The following MYO1E variants were observed in gnomAD, a reference collection of about 807,000 sequenced individuals.
MYO1E encodes the protein myosin IE.
MYO1E carries 68 observed loss-of-function variants against 151.1 expected under a neutral mutation model. That is an observed-to-expected ratio of 0.45 (90% CI 0.37 to 0.55). The LOEUF (loss-of-function observed/expected upper bound fraction) is 0.55. Among genes scored for constraint, MYO1E ranks in the 20% least tolerant of loss-of-function variants. The probability of loss-of-function intolerance (pLI) is 0.00; values close to 1 mark genes in which losing one functional copy is unlikely to be tolerated. For synonymous variants in MYO1E, 601 were observed against 501.7 expected, an observed-to-expected ratio of 1.20 and a Z score of -2.64; for missense variants, 1,363 against 1,389.3, an observed-to-expected ratio of 0.98 and a Z score of 0.30.
intron 15 of MYO1E, among the ~76,000 whole-genome samples, chr15:59,202,973 T>C (rs922325745): frequency 6.6e-6 from 1 of 152,208 alleles, no homozygotes; most frequent in Non-Finnish European, 1.5e-5. Context: ...CTCAAACAAC[T>C]GGACTCAAGA....
intron 14 of MYO1E, chr15:59,207,076 C>G: frequency 1.9e-6 from 3 of 1,614,214 alleles, no homozygotes; most frequent in South Asian, 2.2e-5. Flanking sequence ...GCTCTTCACC[C>G]CCGTGAGCAA....
In MYO1E at chr15:59,272,407, C is replaced by T; in HGVS notation, c.46G>A (p.Val16Ile). 2 of 1,614,166 alleles carry T rather than the reference C, an allele frequency of 1.2e-6. No individual in the cohort carries two copies. The highest frequency in any genetic ancestry group is 1.6e-4 in the Middle Eastern group (1 of 6,062). The stretch of plus-strand genomic sequence containing the variant: ...ATGTCGTCCACACCACTGTGCTTGA[C>T]ATTGTGGCTTTGCCAGTGGTACTGG... ...VYQYHWQSHN[V>I]KHSGVDDMVL... The change falls in exon 2 of 28, where the codon GTC becomes ATC. Residue 16 changes from valine (V) to isoleucine (I), a missense_variant. Val to Ile is a conservative substitution (Grantham distance 29, BLOSUM62 3). Transcript: ENST00000288235.
intron 1 of MYO1E, among the ~76,000 whole-genome samples, chr15:59,282,423 T>C (rs1476000989): frequency 6.6e-6 from 1 of 152,106 alleles, no homozygotes; most frequent in African/African-American, 2.4e-5. Context: ...TTCTCTTGGG[T>C]AACTGCTTTT....
chr15:59,254,899 C>T lies in MYO1E; in HGVS notation c.332+1385G>A, dbSNP rs541445684. On this transcript the variant is annotated intron_variant, in intron 4 of 27. Transcript: ENST00000288235. ...GGACTGCAGTGGCGTGATCTTGGCT[C>T]ACTGCAGCTTCCGCCTCCTGGGTTC... 1.3e-3 allele frequency among the ~76,000 whole-genome samples: 201 copies of T among 152,056 alleles called. 1 individual carries two copies. The highest frequency in any genetic ancestry group is 2.0e-3 in the Non-Finnish European group (133 of 67,976).
chr15:59,169,729 G>T (rs1355657072), intron 22 of MYO1E, among the ~76,000 whole-genome samples: 1 of 152,126 alleles, frequency 6.6e-6, no homozygotes, highest in East Asian at 1.9e-4. Flanking sequence ...ATCCCCAGAG[G>T]CTGTAAAAGA....
At chr15:59,220,580 G>C (rs1003151955) in intron 9 of MYO1E, among the ~76,000 whole-genome samples, 3 of 152,002 alleles carry the variant, frequency 2.0e-5, no homozygotes, top group African/African-American at 7.3e-5. Flanking sequence ...AAGAGCAAGA[G>C]AAAGTCTGCT....
In MYO1E at chr15:59,159,696, G is replaced by T. The variant is rs1566967000; in HGVS notation, c.2786-1317C>A. On this transcript the variant is annotated intron_variant, in intron 24 of 27. Coordinates refer to ENST00000288235, the MANE Select transcript of MYO1E (RefSeq NM_004998.4). This position sits in a 1 kb window ranked among gnomAD's most constrained non-coding sequence, Gnocchi z 4.4. ...CTCCAAAAGTTGCTGTCTGTTTTCT[G>T]CAAGTACTAACGGATACACAGACAT... 6.6e-6 allele frequency among the ~76,000 whole-genome samples: 1 copy of T among 152,188 alleles called. No homozygotes were observed. Among genetic ancestry groups the T allele is most frequent in the African/African-American group, 2.4e-5 (1 of 41,444 alleles).
intron 18 of MYO1E, among the ~76,000 whole-genome samples, chr15:59,183,220 G>A (rs936328327): frequency 6.6e-6 from 1 of 152,088 alleles, no homozygotes. Context: ...TCTCAGCATT[G>A]TTTATGGAAG....
intron 26 of MYO1E, among the ~76,000 whole-genome samples, chr15:59,151,001 G>A (rs1310757822): frequency 1.4e-5 from 2 of 144,952 alleles, no homozygotes; most frequent in African/African-American, 5.1e-5. Context: ...TGGAAGGGAA[G>A]AGGAGAGGGA....
At position 59,227,597 on chromosome 15, in the gene MYO1E, G is replaced by A. The variant is rs770409908; in HGVS notation, c.511-7C>T. ...GGATTTCAAAGTATTTTCCCTGCAAGAAAGTTAGGGATTTCCTTCAATGGT... is the reference window on the plus strand; with the variant it reads ...GGATTTCAAAGTATTTTCCCTGCAAAAAAGTTAGGGATTTCCTTCAATGGT... On this transcript the variant is annotated splice_polypyrimidine_tract_variant and splice_region_variant and intron_variant, in intron 6 of 27. Coordinates refer to ENST00000288235, the MANE Select transcript of MYO1E (RefSeq NM_004998.4). The A allele has an allele frequency of 1.2e-6, 2 of 1,614,022 alleles. No homozygotes were observed. Among genetic ancestry groups the A allele is most frequent in the South Asian group, 1.1e-5 (1 of 91,086 alleles).
intron 1 of MYO1E, among the ~76,000 whole-genome samples, chr15:59,331,449 C>A (rs1387165377): frequency 6.6e-6 from 1 of 152,050 alleles, no homozygotes; most frequent in Non-Finnish European, 1.5e-5. Flanking sequence ...CAACTGAGAA[C>A]CAAGAAACTG....
chr15:59,179,056 G>A (rs1046748528), intron 18 of MYO1E, among the ~76,000 whole-genome samples: 1 of 152,154 alleles, frequency 6.6e-6, no homozygotes, highest in African/African-American at 2.4e-5. Context: ...CTCCAGCCTC[G>A]CCTCTTCATT....
At chr15:59,264,546 A>G (rs1245586158) in intron 2 of MYO1E, among the ~76,000 whole-genome samples, 3 of 152,240 alleles carry the variant, frequency 2.0e-5, no homozygotes, top group African/African-American at 7.2e-5. Flanking sequence ...ACTTATAGTA[A>G]AAAGTAACTT....
chr15:59,186,303 A>T (rs1940773464), intron 18 of MYO1E, among the ~76,000 whole-genome samples: 1 of 152,100 alleles, frequency 6.6e-6, no homozygotes, highest in Admixed American at 6.5e-5. Context: ...CTAATCTCAT[A>T]GCAGAAGAAA....
chr15:59,341,589 A>G (rs1307804535), intron 1 of MYO1E, among the ~76,000 whole-genome samples: 2 of 152,228 alleles, frequency 1.3e-5, no homozygotes, highest in Non-Finnish European at 2.9e-5. Flanking sequence ...AAGTGAGAAA[A>G]TATGAAATCT....
At chr15:59,221,520 T>TA (rs1427154970) in intron 9 of MYO1E, among the ~76,000 whole-genome samples, 1 of 152,168 alleles carries the variant, frequency 6.6e-6, no homozygotes, top group Non-Finnish European at 1.5e-5. Flanking sequence ...TTTCACTGCA[T>TA]ACCCCCTCAA....
At chr15:59,236,100 G>A (rs527881731) in intron 5 of MYO1E, among the ~76,000 whole-genome samples, 26 of 152,046 alleles carry the variant, frequency 1.7e-4, no homozygotes, top group African/African-American at 5.5e-4. Context: ...CCAGCACTTT[G>A]GGAGGCCGAG....
At chr15:59,229,914 CTGT>C (rs1343721241) in intron 6 of MYO1E, among the ~76,000 whole-genome samples, 1 of 151,444 alleles carries the variant, frequency 6.6e-6, no homozygotes, top group Non-Finnish European at 1.5e-5. Context: ...GTTCTGTAAT[CTGT>C]TTTTTTAATT....
At chr15:59,158,417 G>A in intron 24 of MYO1E, 38 bp from the exon 25 acceptor site, 2 of 1,504,296 alleles carry the variant, frequency 1.3e-6, no homozygotes. Flanking sequence ...CAGTGCTACT[G>A]GTTGGTTTTA....
Sources: gnomAD v4.1 joint callset for allele counts (sites outside exome capture counted in the v4.1 genomes callset) on GRCh38, gnomAD v4.1.1 for gene constraint, Gnocchi (gnomAD v3.1) non-coding constraint, MANE v1.5 for transcripts, NCBI Gene and HGNC (gene_info 2026-07-23, HGNC 2026-07-21) for gene names.